The following EML4 variants were observed in gnomAD, a reference collection of about 807,000 sequenced individuals.
The protein encoded by EML4 is EMAP like 4.
EML4 carries 72 observed loss-of-function variants against 129.0 expected under a neutral mutation model. The observed-to-expected ratio is 0.56, with a 90% CI of 0.46 to 0.68. The LOEUF is 0.68. Ranked by LOEUF, EML4 falls within the 30% of genes least tolerant of loss-of-function variation. EML4 has a pLI of 0.00. For synonymous variants in EML4, 532 were observed against 405.0 expected (o/e 1.31, Z -3.77); for missense variants, 1,363 against 1,190.6 (o/e 1.14, Z -2.13).
intron 6 of EML4, among the ~76,000 whole-genome samples, chr2:42,266,176 G>C (rs1666054409): frequency 6.6e-6 from 1 of 152,038 alleles, no homozygotes; most frequent in Non-Finnish European, 1.5e-5. Flanking sequence ...ATAGTCTTTA[G>C]GTCATTTGTT....
intron 2 of EML4, among the ~76,000 whole-genome samples, chr2:42,248,384 T>TC (rs1675548296): frequency 1.3e-5 from 2 of 152,216 alleles, no homozygotes; most frequent in South Asian, 4.1e-4. Context: ...ATTGCTTTTT[T>TC]CCCAGCATAT....
rs920575331 is a variant in EML4, at chr2:42,232,512, G to A, written c.26-12993G>A. Among the ~76,000 whole-genome samples, 5 of 152,120 alleles carry A rather than the reference G, an allele frequency of 3.3e-5. No individual in the cohort carries two copies. The South Asian group carries it at 1.0e-3, about 32-fold the overall frequency. On this transcript the variant is annotated intron_variant, in intron 1 of 22. Transcript: ENST00000318522. ...CTTTCAAGCCTCTCACCAGTCAATAGCAAGAATTTGAATTCCTTCCTAGCC... is the reference window on the plus strand; with the variant it reads ...CTTTCAAGCCTCTCACCAGTCAATAACAAGAATTTGAATTCCTTCCTAGCC...
chr2:42,197,948 C>T (rs574072143), intron 1 of EML4, among the ~76,000 whole-genome samples: 3 of 152,304 alleles, frequency 2.0e-5, no homozygotes, highest in African/African-American at 7.2e-5. Context: ...TCCAGAGTCA[C>T]AGTGCCTACG....
chr2:42,206,718 G>A (rs902799033), intron 1 of EML4, among the ~76,000 whole-genome samples: 6 of 152,078 alleles, frequency 3.9e-5, no homozygotes, highest in Non-Finnish European at 8.8e-5. Context: ...TTTTTGGCAC[G>A]TATAATACAT....
chr2:42,236,586 CTG>C (rs1410786715), intron 1 of EML4, among the ~76,000 whole-genome samples: 1 of 152,216 alleles, frequency 6.6e-6, no homozygotes, highest in Non-Finnish European at 1.5e-5. Context: ...GCTCCACAGA[CTG>C]TGTGGTCTGC....
At chr2:42,257,449 G>A (rs1415959761) in intron 3 of EML4, among the ~76,000 whole-genome samples, 3 of 151,820 alleles carry the variant, frequency 2.0e-5, no homozygotes, top group Admixed American at 1.3e-4. Flanking sequence ...GCTAGTGACC[G>A]AATTATTCAT....
chr2:42,200,742 C>G (rs1672182693), intron 1 of EML4, among the ~76,000 whole-genome samples: 1 of 152,098 alleles, frequency 6.6e-6, no homozygotes, highest in Admixed American at 6.5e-5. Context: ...TCTTTTTTGG[C>G]ATTTTTAAAG....
chr2:42,275,468 G>A (rs1303360889), intron 6 of EML4, among the ~76,000 whole-genome samples: 1 of 152,144 alleles, frequency 6.6e-6, no homozygotes. Flanking sequence ...CTGAGTGTTG[G>A]TTTCCCCTTC....
At chr2:42,311,962 G>A (rs1004602098) in intron 17 of EML4, among the ~76,000 whole-genome samples, 5 of 151,954 alleles carry the variant, frequency 3.3e-5, no homozygotes, top group Non-Finnish European at 7.4e-5. Context: ...CTCCTGCCTC[G>A]GCCTCCCAAA....
chr2:42,186,774 T>A (rs528700644), intron 1 of EML4, among the ~76,000 whole-genome samples: 30 of 152,186 alleles, frequency 2.0e-4, no homozygotes, highest in Admixed American at 3.9e-4. Context: ...ACAGAGTAGT[T>A]TTCAGACTTC....
intron 1 of EML4, among the ~76,000 whole-genome samples, chr2:42,186,021 T>C (rs1418344882): frequency 6.6e-6 from 1 of 152,168 alleles, no homozygotes; most frequent in African/African-American, 2.4e-5. Context: ...AGGTCATTAT[T>C]TTATAATACC....
chr2:42,321,482 C>T (rs1669520013), intron 19 of EML4, among the ~76,000 whole-genome samples: 1 of 152,040 alleles, frequency 6.6e-6, no homozygotes, highest in Non-Finnish European at 1.5e-5. Flanking sequence ...CTTTCTAAGC[C>T]ATCTTATTAG....
chr2:42,325,065 CTG>C (rs757032566), intron 19 of EML4: 74 of 368,902 alleles, frequency 2.0e-4, no homozygotes, highest in Non-Finnish European at 3.9e-4. Flanking sequence ...CCCAGGAAAA[CTG>C]TATTCCTGAT....
At chr2:42,225,153 T>C (rs1410163118) in intron 1 of EML4, among the ~76,000 whole-genome samples, 1 of 152,204 alleles carries the variant, frequency 6.6e-6, no homozygotes, top group Non-Finnish European at 1.5e-5. Flanking sequence ...TATCCATTCA[T>C]GTGTTTATGG....
In EML4 at chr2:42,326,175, A is replaced by C; in HGVS notation, c.2264A>C (p.Lys755Thr). ...AAAGGGGACATTCCAAATGGCTGCA[A>C]ACTAATCAGGAATCGATCGGATTGT... ...ILYWDIPNGC[K>T]LIRNRSDCKD... The change falls in exon 21 of 23, where the codon AAA (lysine) becomes ACA (threonine). Residue 755 changes from lysine (K) to threonine (T), a missense_variant. Physicochemically the swap from Lys to Thr is moderately conservative, Grantham distance 78. Transcript: ENST00000318522. The C allele has an allele frequency of 6.2e-7, 1 of 1,613,842 alleles. No homozygotes were observed. The highest frequency in any genetic ancestry group is 8.5e-7 in the Non-Finnish European group (1 of 1,179,866).
intron 22 of EML4, 123 bp from the exon 23 acceptor site, chr2:42,329,611 C>A: frequency 1.4e-6 from 1 of 722,506 alleles, no homozygotes; most frequent in East Asian, 2.6e-5. Context: ...TGACTTCTGG[C>A]TTTAAATTGG....
At chr2:42,218,572 G>A (rs1299159995) in intron 1 of EML4, among the ~76,000 whole-genome samples, 4 of 152,052 alleles carry the variant, frequency 2.6e-5, no homozygotes, top group Admixed American at 2.6e-4. Flanking sequence ...GATCTCTCAT[G>A]TATATGGATC....
At chr2:42,194,865 T>TA (rs1671810060) in intron 1 of EML4, among the ~76,000 whole-genome samples, 1 of 152,196 alleles carries the variant, frequency 6.6e-6, no homozygotes, top group Admixed American at 6.5e-5. Flanking sequence ...CTTTGGCTTT[T>TA]AGGTCTATGT....
intron 1 of EML4, among the ~76,000 whole-genome samples, chr2:42,170,541 ATCT>A (rs1160288545): frequency 6.6e-6 from 1 of 152,208 alleles, no homozygotes; most frequent in Non-Finnish European, 1.5e-5. Flanking sequence ...GATGAAGGTA[ATCT>A]TCTGGCTAGG....
Sources: allele counts gnomAD v4.1 joint callset (sites outside exome capture counted in the v4.1 genomes callset), GRCh38; gene constraint gnomAD v4.1.1; transcripts MANE v1.5; gene names NCBI Gene and HGNC (gene_info 2026-07-23, HGNC 2026-07-21).